The following PIP5K1B variants were observed in gnomAD, a reference collection of about 807,000 sequenced individuals.
PIP5K1B encodes the protein phosphatidylinositol 4-phosphate 5-kinase type-1 beta.
Under a neutral mutation model 67.0 loss-of-function variants are expected in PIP5K1B, and 42 were observed. That is an observed-to-expected ratio of 0.63 (90% CI 0.49 to 0.81). PIP5K1B has a LOEUF of 0.81. PIP5K1B is among the 30% of genes least tolerant of loss of function. The pLI is 0.00. For missense variants in PIP5K1B, 459 were observed against 646.3 expected (o/e 0.71, Z 3.14); for synonymous variants, 214 against 231.4 (o/e 0.92, Z 0.68).
chr9:68,799,781 C>T (rs1430680161), intron 2 of PIP5K1B, among the ~76,000 whole-genome samples: 3 of 152,094 alleles, frequency 2.0e-5, no homozygotes, highest in Non-Finnish European at 4.4e-5. Flanking sequence ...CTGTGAAACT[C>T]CTAGGAGAAA....
At chr9:68,781,168 A>G in intron 2 of PIP5K1B, 1 of 1,153,268 alleles carries the variant, frequency 8.7e-7, no homozygotes, top group Non-Finnish European at 1.2e-6. Context: ...AAATGATGTT[A>G]TTCTAGAGAA....
At chr9:68,871,027 A>C (rs956251500) in intron 5 of PIP5K1B, among the ~76,000 whole-genome samples, 1 of 152,196 alleles carries the variant, frequency 6.6e-6, no homozygotes, top group Non-Finnish European at 1.5e-5. Context: ...GCTTACCACC[A>C]CATCTCTCAG....
At chr9:68,851,290 G>A (rs1822470362) in intron 4 of PIP5K1B, among the ~76,000 whole-genome samples, 1 of 152,154 alleles carries the variant, frequency 6.6e-6, no homozygotes, top group African/African-American at 2.4e-5. Flanking sequence ...TTGATAAAAA[G>A]GGAAAGTTAA....
chr9:68,730,126 CTG>C (rs1260756479), intron 1 of PIP5K1B, among the ~76,000 whole-genome samples: 2 of 152,116 alleles, frequency 1.3e-5, no homozygotes, highest in Non-Finnish European at 2.9e-5. Context: ...TTGTGAAAGA[CTG>C]TTTATAAGCA....
At chr9:68,712,718 A>G (rs1305643688) in intron 1 of PIP5K1B, among the ~76,000 whole-genome samples, 2 of 152,150 alleles carry the variant, frequency 1.3e-5, no homozygotes, top group East Asian at 3.8e-4. Context: ...GGATGAGAAA[A>G]CCACTTGTTT....
rs111427723 is a variant in PIP5K1B at position 68,794,533 on chromosome 9, G to T, written c.-85-23928G>T. Among the ~76,000 whole-genome samples the T allele has an allele frequency of 7.2e-5, 11 of 152,000 alleles. 1 individual carries two copies. Among genetic ancestry groups the T allele is most frequent in the African/African-American group, 2.7e-4 (11 of 41,444 alleles). On this transcript the variant is annotated intron_variant, in intron 2 of 15. Transcript: ENST00000265382. ...CTTTACTGACTTACTTCCTTCATGG[G>T]TTTGTCTGGTTCATCTTATTCCCTT...
At chr9:68,917,309 CAT>C (rs1234730709) in intron 8 of PIP5K1B, among the ~76,000 whole-genome samples, 3 of 152,176 alleles carry the variant, frequency 2.0e-5, no homozygotes, top group Non-Finnish European at 4.4e-5. Flanking sequence ...GTTGAGAAAA[CAT>C]GTGCTTGTTT....
intron 1 of PIP5K1B, among the ~76,000 whole-genome samples, chr9:68,731,565 A>G (rs1275517372): frequency 6.6e-6 from 1 of 152,204 alleles, no homozygotes; most frequent in Non-Finnish European, 1.5e-5. Context: ...TGGGGAGGCA[A>G]TCGCAAAAAC....
intron 2 of PIP5K1B, among the ~76,000 whole-genome samples, chr9:68,811,240 C>T (rs953736996): frequency 2.0e-5 from 3 of 152,224 alleles, no homozygotes; most frequent in African/African-American, 7.2e-5. Context: ...TATTCCCCTA[C>T]TGCTTTCCCA....
intron 4 of PIP5K1B, among the ~76,000 whole-genome samples, chr9:68,856,546 G>T (rs1006931942): frequency 5.3e-5 from 8 of 152,228 alleles, no homozygotes; most frequent in African/African-American, 1.9e-4. Flanking sequence ...ATTTCACGCT[G>T]TTCTTTCTGT....
chr9:68,789,296 C>A, intron 2 of PIP5K1B: 1 of 410,334 alleles, frequency 2.4e-6, no homozygotes, highest in East Asian at 5.8e-5. Context: ...CGGTAGCCAA[C>A]GAGTCAGCTT....
chr9:68,972,699 GT>G (rs1016834964), intron 14 of PIP5K1B, among the ~76,000 whole-genome samples: 1 of 152,104 alleles, frequency 6.6e-6, no homozygotes, highest in Admixed American at 6.5e-5. Flanking sequence ...GTGCACATGG[GT>G]TTTTTTCCTA....
chr9:68,864,014 T>A (rs774702680), intron 5 of PIP5K1B, 47 bp downstream of exon 5: 1 of 1,585,694 alleles, frequency 6.3e-7, no homozygotes, highest in Non-Finnish European at 8.6e-7. Context: ...AGGAACCTTC[T>A]TTGTGACAAC....
intron 4 of PIP5K1B, among the ~76,000 whole-genome samples, chr9:68,835,033 C>A (rs1331043459): frequency 6.6e-6 from 1 of 152,172 alleles, no homozygotes; most frequent in African/African-American, 2.4e-5. Context: ...CAGGGGAGGT[C>A]AGGATTTGGG....
chr9:68,801,440 A>G (rs1338590210), intron 2 of PIP5K1B, among the ~76,000 whole-genome samples: 4 of 152,154 alleles, frequency 2.6e-5, no homozygotes, highest in African/African-American at 9.7e-5. Context: ...CTGAGAAAAG[A>G]GGGTACATGT....
At chr9:68,923,046 A>G (rs1258828580) in intron 11 of PIP5K1B, among the ~76,000 whole-genome samples, 1 of 152,114 alleles carries the variant, frequency 6.6e-6, no homozygotes, top group East Asian at 1.9e-4. Flanking sequence ...TATGTAGCAC[A>G]GTTTTTTTTG....
chr9:68,786,708 A>G (rs1414488495), intron 2 of PIP5K1B, among the ~76,000 whole-genome samples: 1 of 151,990 alleles, frequency 6.6e-6, no homozygotes, highest in Non-Finnish European at 1.5e-5. Context: ...TTTTTTCCCT[A>G]TAGCATTAAT....
chr9:68,863,291 C>A (rs1823194726), intron 4 of PIP5K1B, among the ~76,000 whole-genome samples: 1 of 152,108 alleles, frequency 6.6e-6, no homozygotes, highest in Non-Finnish European at 1.5e-5. Flanking sequence ...CAGTGCAAGG[C>A]ATAAAAAGTA....
At chr9:68,770,963 G>A (rs1830647984) in intron 2 of PIP5K1B, among the ~76,000 whole-genome samples, 1 of 152,170 alleles carries the variant, frequency 6.6e-6, no homozygotes, top group African/African-American at 2.4e-5. Flanking sequence ...ATAGAAATTT[G>A]AGAGATATCA....
Sources: gnomAD v4.1 joint callset for allele counts (sites outside exome capture counted in the v4.1 genomes callset) on GRCh38, gnomAD v4.1.1 for gene constraint, MANE v1.5 for transcripts, NCBI Gene and HGNC (gene_info 2026-07-23, HGNC 2026-07-21) for gene names.